The following BTBD9 variants were observed in gnomAD, a reference collection of about 807,000 sequenced individuals.
BTBD9 encodes BTB/POZ domain-containing protein 9.
A neutral mutation model predicts 64.3 loss-of-function variants in BTBD9; 49 were observed. The ratio of observed to expected loss-of-function variants is 0.76; its 90% confidence interval spans 0.61 to 0.97. BTBD9 has a LOEUF of 0.97. Ranked by LOEUF, BTBD9 falls within the 50% of genes least tolerant of loss-of-function variation. The probability of loss-of-function intolerance (pLI) is 0.00; values close to 1 mark genes in which losing one functional copy is unlikely to be tolerated. For synonymous variants in BTBD9, 260 were observed against 274.7 expected (o/e 0.95, Z 0.53); for missense variants, 598 against 762.1 (o/e 0.78, Z 2.53).
intron 6 of BTBD9, among the ~76,000 whole-genome samples, chr6:38,407,118 A>G (rs986050758): frequency 6.6e-6 from 1 of 152,258 alleles, no homozygotes; most frequent in Non-Finnish European, 1.5e-5. Context: ...GTATTTCTCA[A>G]ATAGATTTTA....
intron 6 of BTBD9, among the ~76,000 whole-genome samples, chr6:38,404,042 A>C (rs1021231414): frequency 6.6e-6 from 1 of 152,226 alleles, no homozygotes; most frequent in Non-Finnish European, 1.5e-5. Flanking sequence ...ATCCATAAAG[A>C]CATAAAGCAG....
chr6:38,292,820 C>T (rs138829539), intron 7 of BTBD9, among the ~76,000 whole-genome samples: 1 of 152,256 alleles, frequency 6.6e-6, no homozygotes, highest in Admixed American at 6.5e-5. Flanking sequence ...CTATCTCCTT[C>T]AGTTCTGCTC....
intron 9 of BTBD9, among the ~76,000 whole-genome samples, chr6:38,249,789 G>A (rs1764330275): frequency 1.3e-5 from 2 of 148,928 alleles, no homozygotes; most frequent in Non-Finnish European, 1.5e-5. Flanking sequence ...TAAGACTCAA[G>A]GAAAAAAAAA....
At chr6:38,610,912 C>T (rs534184669) in intron 1 of BTBD9, among the ~76,000 whole-genome samples, 6 of 138,512 alleles carry the variant, frequency 4.3e-5, no homozygotes, top group Middle Eastern at 3.8e-3. Flanking sequence ...TGCAAAAAAC[C>T]GGGGTGGGGG....
Position 38,174,749 on chromosome 6 carries a change from G to T in BTBD9, c.*236C>A, listed in dbSNP as rs1766923512. On this transcript the variant is annotated 3_prime_UTR_variant, in exon 11 of 11. Transcript: ENST00000481247. The stretch of plus-strand genomic sequence containing the variant: ...GTTAATGGTGGACTTGATGAAGATT[G>T]AAGACCCATTTTCTCCCCCTTGAGA... 2 of 547,086 alleles carry T rather than the reference G, an allele frequency of 3.7e-6. No individual in the cohort carries two copies. The highest frequency in any genetic ancestry group is 3.4e-5 in the Admixed American group (1 of 29,766). 33.9% of individuals were successfully genotyped at this position (547,086 alleles called of 1,614,324 possible). A position where few individuals can be genotyped will look rare whatever the true frequency, so the allele number is the denominator to read the frequency against.
At chr6:38,419,688 T>A (rs1448623442) in intron 6 of BTBD9, among the ~76,000 whole-genome samples, 3 of 152,040 alleles carry the variant, frequency 2.0e-5, no homozygotes, top group Non-Finnish European at 4.4e-5. Flanking sequence ...CTGACCAACA[T>A]GGAGAAACCC....
At chr6:38,194,120 G>A (rs538662544) in intron 9 of BTBD9, among the ~76,000 whole-genome samples, 259 of 152,268 alleles carry the variant, frequency 1.7e-3, no homozygotes, top group Non-Finnish European at 3.1e-3. Context: ...CTCTTGGGGA[G>A]TTTGCTAGAT....
chr6:38,615,153 C>T (rs1777741969), intron 1 of BTBD9, among the ~76,000 whole-genome samples: 2 of 152,232 alleles, frequency 1.3e-5, no homozygotes, highest in African/African-American at 4.8e-5. Flanking sequence ...TTTCACCTTC[C>T]ATCATCCAAG....
At chr6:38,607,035 G>T (rs1314955823) in intron 1 of BTBD9, among the ~76,000 whole-genome samples, 2 of 152,104 alleles carry the variant, frequency 1.3e-5, no homozygotes, top group Non-Finnish European at 1.5e-5. Flanking sequence ...ACCATCTTCA[G>T]ACTAGGTAAA....
chr6:38,381,695 C>T (rs1222083927), intron 6 of BTBD9, among the ~76,000 whole-genome samples: 1 of 152,022 alleles, frequency 6.6e-6, no homozygotes, highest in Non-Finnish European at 1.5e-5. Context: ...TCTAGGTAAG[C>T]GTCAACAAAT....
intron 6 of BTBD9, among the ~76,000 whole-genome samples, chr6:38,532,708 G>C (rs1773852136): frequency 6.6e-6 from 1 of 151,910 alleles, no homozygotes; most frequent in Non-Finnish European, 1.5e-5. Context: ...TGCCTTGAAG[G>C]GAAGAACCCA....
intron 9 of BTBD9, among the ~76,000 whole-genome samples, chr6:38,221,980 ACT>A (rs1419148461): frequency 1.3e-5 from 2 of 151,932 alleles, no homozygotes; most frequent in Non-Finnish European, 2.9e-5. Context: ...ACAGAGAGAG[ACT>A]CTGTCTCGAA....
At chr6:38,499,556 T>A (rs1160966061) in intron 6 of BTBD9, among the ~76,000 whole-genome samples, 1 of 152,180 alleles carries the variant, frequency 6.6e-6, no homozygotes, top group East Asian at 1.9e-4. Flanking sequence ...CAATATATAT[T>A]CTCTATCATC....
At chr6:38,241,366 C>A (rs145604086) in intron 9 of BTBD9, among the ~76,000 whole-genome samples, 1 of 152,166 alleles carries the variant, frequency 6.6e-6, no homozygotes, top group African/African-American at 2.4e-5. Context: ...AGGAAAACCA[C>A]GAACTCTCTG....
At chr6:38,282,839 T>C (rs140770558) in intron 8 of BTBD9, among the ~76,000 whole-genome samples, 1 of 152,334 alleles carries the variant, frequency 6.6e-6, no homozygotes, top group Non-Finnish European at 1.5e-5. Context: ...AACTGGACTC[T>C]GTCTCCAACC....
chr6:38,546,925 C>A (rs1170391292), intron 6 of BTBD9, among the ~76,000 whole-genome samples: 15 of 152,160 alleles, frequency 9.9e-5, no homozygotes. Context: ...ACCTCAGCCT[C>A]CCAAGTGTTG....
chr6:38,463,976 G>T (rs555782810), intron 6 of BTBD9, among the ~76,000 whole-genome samples: 2 of 152,256 alleles, frequency 1.3e-5, no homozygotes, highest in East Asian at 3.9e-4. Context: ...GGGTTGCAGT[G>T]AGCTGAGATC....
intron 6 of BTBD9, among the ~76,000 whole-genome samples, chr6:38,443,063 T>C (rs192753596): frequency 6.6e-6 from 1 of 152,296 alleles, no homozygotes; most frequent in East Asian, 1.9e-4. Context: ...TTCTGCTATG[T>C]TTGTGAAGCA....
intron 6 of BTBD9, among the ~76,000 whole-genome samples, chr6:38,576,024 G>C (rs1776011501): frequency 6.6e-6 from 1 of 152,154 alleles, no homozygotes; most frequent in Admixed American, 6.5e-5. Flanking sequence ...TTTCAGGTGG[G>C]TAAAGCACAC....
Sources: gnomAD v4.1 joint callset for allele counts (sites outside exome capture counted in the v4.1 genomes callset) on GRCh38, gnomAD v4.1.1 for gene constraint, MANE v1.5 for transcripts, NCBI Gene and HGNC (gene_info 2026-07-23, HGNC 2026-07-21) for gene names.